The following ALMS1 variants were observed in gnomAD, a reference collection of about 807,000 sequenced individuals.
The protein encoded by ALMS1 is centrosome-associated protein ALMS1.
A neutral mutation model predicts 352.2 loss-of-function variants in ALMS1; 271 were observed. That is an observed-to-expected ratio of 0.77 (90% CI 0.70 to 0.85). ALMS1 has a LOEUF of 0.85. Among genes scored for constraint, ALMS1 ranks in the 40% least tolerant of loss-of-function variants. ALMS1 has a pLI of 0.00. For missense variants in ALMS1, 5,445 were observed against 4,870.7 expected (o/e 1.12, Z -3.51); for synonymous variants, 1,865 against 1,761.2 (o/e 1.06, Z -1.48).
chr2:73,453,798 G>A lies in ALMS1; in HGVS notation c.7271G>A (p.Gly2424Asp), dbSNP rs1672001573. 6.2e-7 allele frequency: 1 copy of A among 1,614,100 alleles called. No individual in the cohort carries two copies. The highest frequency in any genetic ancestry group is 8.5e-7 in the Non-Finnish European group (1 of 1,179,998). The change falls in exon 8 of 23, where the codon GGT (glycine) becomes GAT (aspartate). Residue 2424 changes from glycine (G) to aspartate (D), a missense_variant. Coordinates refer to ENST00000613296, the MANE Select transcript of ALMS1 (RefSeq NM_001378454.1). Reference sequence around the variant, plus strand: ...AGTAGTGATGCCAGTGATGGAAATGGTTCCTGCTCGTGGGACAGTAATTTA... The same window carrying A: ...AGTAGTGATGCCAGTGATGGAAATGATTCCTGCTCGTGGGACAGTAATTTA... The part of the protein sequence containing the change: ...DSSSDASDGN[G>D]SCSWDSNLPE...
At chr2:73,564,218 C>T (rs569550824) in intron 15 of ALMS1, among the ~76,000 whole-genome samples, 53 of 151,998 alleles carry the variant, frequency 3.5e-4, no homozygotes, top group African/African-American at 1.3e-3. Flanking sequence ...ATAATCCCAG[C>T]ACTTTGGGAA....
chr2:73,403,425 T>G (rs1670909180), intron 1 of ALMS1, among the ~76,000 whole-genome samples: 1 of 152,202 alleles, frequency 6.6e-6, no homozygotes, highest in African/African-American at 2.4e-5. Context: ...ACTGTTTGGG[T>G]TACTATAACT....
chr2:73,606,523 G>A (rs894318333), intron 21 of ALMS1, among the ~76,000 whole-genome samples: 1 of 152,222 alleles, frequency 6.6e-6, no homozygotes, highest in Non-Finnish European at 1.5e-5. Context: ...TGCTTTCGAC[G>A]AGAAATATAT....
At chr2:73,509,797 T>C (rs565420958) in intron 10 of ALMS1, among the ~76,000 whole-genome samples, 1 of 152,350 alleles carries the variant, frequency 6.6e-6, no homozygotes, top group Admixed American at 6.5e-5. Flanking sequence ...TGAATTTGAA[T>C]GTTGGTCAGT....
chr2:73,592,725 C>T (rs1199827958), intron 16 of ALMS1, among the ~76,000 whole-genome samples: 1 of 152,134 alleles, frequency 6.6e-6, no homozygotes, highest in African/African-American at 2.4e-5. Flanking sequence ...GATCAGTTTC[C>T]ACCTAACAAG....
chr2:73,577,624 GTCT>G (rs1675081621), intron 16 of ALMS1, among the ~76,000 whole-genome samples: 1 of 151,876 alleles, frequency 6.6e-6, no homozygotes. Flanking sequence ...TGGTATGTTT[GTCT>G]TCTTTTTCAT....
In ALMS1 at chr2:73,576,127, T is replaced by C. The variant is rs543669124; in HGVS notation, c.11547+2703T>C. On this transcript the variant is annotated intron_variant, in intron 16 of 22. Coordinates refer to ENST00000613296, the MANE Select transcript of ALMS1 (RefSeq NM_001378454.1). The stretch of plus-strand genomic sequence containing the variant: ...ACTCTTGCCAAAAATCGTTTAGCCA[T>C]ATACGTGAGGGTTTTTATCTGGGCT... Among the ~76,000 whole-genome samples the C allele has an allele frequency of 1.4e-3, 208 of 152,332 alleles. 1 individual carries two copies. Among genetic ancestry groups the C allele is most frequent in the African/African-American group, 3.1e-3 (127 of 41,582 alleles).
chr2:73,386,661 C>G (rs6546829), intron 1 of ALMS1, among the ~76,000 whole-genome samples: 49,662 of 151,840 alleles, frequency 0.33, 8,495 homozygotes, highest in African/African-American at 0.43. Context: ...GGAGAGGCTC[C>G]CCGCGGGTTT....
chr2:73,555,272 A>G (rs1674519896), intron 13 of ALMS1, among the ~76,000 whole-genome samples: 1 of 152,230 alleles, frequency 6.6e-6, no homozygotes, highest in African/African-American at 2.4e-5. Context: ...ATAAACAGAA[A>G]GAAAAATGAA....
chr2:73,487,678 A>G (rs191301612), intron 9 of ALMS1, among the ~76,000 whole-genome samples: 2 of 152,308 alleles, frequency 1.3e-5, no homozygotes, highest in Non-Finnish European at 1.5e-5. Context: ...CTTGTCCTGC[A>G]TCCATGAAGA....
chr2:73,490,175 G>A lies in ALMS1; in HGVS notation c.8216G>A (p.Gly2739Asp). The change falls in exon 10 of 23, where the codon GGT (glycine) becomes GAT (aspartate). Residue 2739 changes from glycine (G) to aspartate (D), a missense_variant. By Grantham distance (94) the Gly-to-Asp change is moderately conservative (BLOSUM62 -1). Coordinates refer to ENST00000613296, the MANE Select transcript of ALMS1 (RefSeq NM_001378454.1). ...GTTGTTAAGGTTGGTGTTACTGAAG[G>A]TAGCCAGTGTACTGGAGCATCTGTG... ...SSVVKVGVTE[G>D]SQCTGASVGV... is the part of the protein sequence containing the mutation. 2 of 1,614,098 alleles carry A rather than the reference G, an allele frequency of 1.2e-6. No homozygotes were observed. Among genetic ancestry groups the A allele is most frequent in the African/African-American group, 2.7e-5 (2 of 75,022 alleles).
chr2:73,435,692 A>G (rs1451640924), intron 7 of ALMS1, among the ~76,000 whole-genome samples: 2 of 151,940 alleles, frequency 1.3e-5, no homozygotes, highest in Non-Finnish European at 2.9e-5. Context: ...CCTGAGCTCA[A>G]GTGATCCTCC....
At position 73,557,349 on chromosome 2, in the gene ALMS1, C is replaced by T. The variant is rs1231406875; in HGVS notation, c.10208C>T (p.Thr3403Ile). ...AKEKESLQKD[T>I]ADSSAAAAAE... ...GAAAAAGAATCTTTGCAGAAAGATA[C>T]TGCAGGTAGCTAAACTGGATTGTCT... Residue 3403 changes from threonine (T) to isoleucine (I), a missense_variant, in exon 14 of 23, where the codon ACT becomes ATT. Coordinates refer to ENST00000613296, the MANE Select transcript of ALMS1 (RefSeq NM_001378454.1). 6 of 1,614,088 alleles carry T rather than the reference C, an allele frequency of 3.7e-6. No individual in the cohort carries two copies. Among genetic ancestry groups the T allele is most frequent in the Non-Finnish European group, 5.1e-6 (6 of 1,179,974 alleles).
chr2:73,473,422 G>A (rs557574961), intron 9 of ALMS1, among the ~76,000 whole-genome samples: 1 of 152,014 alleles, frequency 6.6e-6, no homozygotes, highest in Non-Finnish European at 1.5e-5. Context: ...ACAACAAGCA[G>A]TAACAGCAAA....
At chr2:73,415,707 C>T (rs1304807215) in intron 2 of ALMS1, among the ~76,000 whole-genome samples, 3 of 152,088 alleles carry the variant, frequency 2.0e-5, no homozygotes, top group African/African-American at 7.2e-5. Context: ...AAAGAAAAGC[C>T]AGTCAGTTTG....
At position 73,525,265 on chromosome 2, in the gene ALMS1, CTTACT is replaced by C. The variant is rs1673766299; in HGVS notation, c.9781+5253_9781+5257del. On this transcript the variant is annotated intron_variant, in intron 11 of 22. Coordinates refer to ENST00000613296, the MANE Select transcript of ALMS1 (RefSeq NM_001378454.1). ...TGCAGATTTATCGCTGACATACTGA[CTTACT>C]TTATTTTGGTTATATACCTAGCAGT... is the stretch of plus-strand genomic sequence containing the variant. Among the ~76,000 whole-genome samples the C allele has an allele frequency of 3.3e-5, 5 of 152,240 alleles. No homozygotes were observed. The South Asian group carries it at 1.0e-3, about 32-fold the overall frequency.
At chr2:73,599,655 G>T in intron 17 of ALMS1, 134 bp downstream of exon 17, 1 of 1,131,300 alleles carries the variant, frequency 8.8e-7, no homozygotes, top group East Asian at 2.5e-5. Context: ...CATCTTGTCA[G>T]ATTGGCATAA....
intron 11 of ALMS1, among the ~76,000 whole-genome samples, chr2:73,526,390 A>G (rs935639921): frequency 6.6e-6 from 1 of 152,150 alleles, no homozygotes; most frequent in African/African-American, 2.4e-5. Context: ...TAGTATGGAC[A>G]TTTTAACAAT....
rs755072106 is a variant in ALMS1, at chr2:73,452,178, A to G, written c.5651A>G (p.Gln1884Arg). The G allele has an allele frequency of 1.2e-6, 2 of 1,613,024 alleles. No individual in the cohort carries two copies. The highest frequency in any genetic ancestry group is 1.7e-4 in the Middle Eastern group (1 of 6,058). ...ATAGGGGTTCCTGGGCCTGCTGACC[A>G]GAAGACTGGGATACAAATAGCATCC... ...KAIGVPGPADQKTGIQIASSS... is the reference protein window; with the variant it reads ...KAIGVPGPADRKTGIQIASSS... Residue 1884 changes from glutamine (Q) to arginine (R), a missense_variant, in exon 8 of 23, where the codon CAG (glutamine) becomes CGG (arginine). Coordinates refer to ENST00000613296, the MANE Select transcript of ALMS1 (RefSeq NM_001378454.1).
Sources: gnomAD v4.1 joint callset for allele counts (sites outside exome capture counted in the v4.1 genomes callset) on GRCh38, gnomAD v4.1.1 for gene constraint, MANE v1.5 for transcripts, NCBI Gene and HGNC (gene_info 2026-07-23, HGNC 2026-07-21) for gene names.